TFEC: variants seen among roughly 807,000 people sequenced by gnomAD.
TFEC encodes class E basic helix-loop-helix protein 34.
TFEC carries 31 observed loss-of-function variants against 41.6 expected under a neutral mutation model. The ratio of observed to expected loss-of-function variants is 0.74; its 90% confidence interval spans 0.56 to 1.01. The LOEUF is 1.01. Among genes scored for constraint, TFEC ranks in the 50% least tolerant of loss-of-function variants. The pLI is 0.00. For missense variants in TFEC, 402 were observed against 404.1 expected (o/e 0.99, Z 0.04); for synonymous variants, 143 against 140.6 (o/e 1.02, Z -0.12).
intron 1 of TFEC, among the ~76,000 whole-genome samples, chr7:116,155,570 G>A (rs950637): frequency 0.49 from 74,168 of 151,006 alleles, 18,721 homozygotes; most frequent in East Asian, 0.7. Flanking sequence ...GCAGTGCCAG[G>A]AAAAAAAAAG....
intron 3 of TFEC, among the ~76,000 whole-genome samples, chr7:116,104,013 C>T (rs1350054130): frequency 3.9e-5 from 6 of 152,040 alleles, no homozygotes; most frequent in African/African-American, 7.2e-5. Context: ...GACCAATTTT[C>T]TATGTTTCAA....
rs546286267 is a variant in TFEC at position 116,029,662 on chromosome 7, T to G, written c.-73+971A>C. On this transcript the variant is annotated intron_variant, in intron 1 of 7. Coordinates refer to ENST00000265440, the MANE Select transcript of TFEC (RefSeq NM_012252.4). ...TTATATAAATATATATGAAATTATATCTATTGTAATTTATATAAGCAAATG... is the reference window on the plus strand; with the variant it reads ...TTATATAAATATATATGAAATTATAGCTATTGTAATTTATATAAGCAAATG... Among the ~76,000 whole-genome samples, 58 of 152,054 alleles carry G rather than the reference T, an allele frequency of 3.8e-4. 1 individual carries two copies. The highest frequency in any genetic ancestry group is 1.3e-3 in the African/African-American group (55 of 41,526).
chr7:116,098,252 C>T (rs541704857), intron 3 of TFEC, among the ~76,000 whole-genome samples: 2 of 152,114 alleles, frequency 1.3e-5, no homozygotes, highest in South Asian at 2.1e-4. Context: ...CTCCCTCTCC[C>T]GGGTGCAAGC....
chr7:116,156,329 T>C (rs1272429835), intron 1 of TFEC, among the ~76,000 whole-genome samples: 1 of 152,170 alleles, frequency 6.6e-6, no homozygotes, highest in Non-Finnish European at 1.5e-5. Flanking sequence ...TTCTGAAACA[T>C]TTGTCTCTAA....
chr7:116,086,350 A>T (rs1206530079), intron 3 of TFEC, among the ~76,000 whole-genome samples: 1 of 151,866 alleles, frequency 6.6e-6, no homozygotes, highest in Non-Finnish European at 1.5e-5. Context: ...TACCATATTT[A>T]GGACCAAAGA....
At chr7:116,029,432 A>T (rs1044586952) in intron 1 of TFEC, among the ~76,000 whole-genome samples, 1 of 152,174 alleles carries the variant, frequency 6.6e-6, no homozygotes, top group Non-Finnish European at 1.5e-5. Context: ...CTGATAATAA[A>T]CTGCGTACCA....
Position 116,099,803 on chromosome 7 carries a change from G to A in TFEC, c.198+10905C>T, listed in dbSNP as rs191014212. Among the ~76,000 whole-genome samples the A allele has an allele frequency of 1.4e-3, 210 of 152,278 alleles. 1 individual carries two copies. The highest frequency in any genetic ancestry group is 4.2e-3 in the African/African-American group (174 of 41,548). ...ATAGTAGTTGGTATTGCAACAATGC[G>A]TAACTAATACAGCATATTATTACTA... On this transcript the variant is annotated intron_variant, in intron 3 of 8. Transcript: ENST00000484212.
chr7:116,129,152 T>C (rs1240582670), intron 1 of TFEC, among the ~76,000 whole-genome samples: 1 of 152,170 alleles, frequency 6.6e-6, no homozygotes, highest in Non-Finnish European at 1.5e-5. Flanking sequence ...GAAATCCCAT[T>C]TGGCAATATT....
chr7:116,115,150 C>T lies in TFEC; in HGVS notation c.-68-3112G>A, dbSNP rs1378157562. ...TATTTTTCTATATATTGACTAGGAACACGGAGCCTATAATACTCATCACAG... is the reference window on the plus strand; with the variant it reads ...TATTTTTCTATATATTGACTAGGAATACGGAGCCTATAATACTCATCACAG... On this transcript the variant is annotated intron_variant, in intron 1 of 8. Coordinates refer to the TFEC transcript ENST00000484212. Among the ~76,000 whole-genome samples, 5 of 152,118 alleles carry T rather than the reference C, an allele frequency of 3.3e-5. No individual in the cohort carries two copies. The South Asian group carries it at 1.0e-3, about 32-fold the overall frequency.
chr7:116,092,705 G>T (rs1797357328), intron 3 of TFEC, among the ~76,000 whole-genome samples: 2 of 152,062 alleles, frequency 1.3e-5, no homozygotes, highest in Admixed American at 1.3e-4. Flanking sequence ...ATTTGTTTGG[G>T]CATTCTCCAC....
intron 3 of TFEC, among the ~76,000 whole-genome samples, chr7:116,099,989 A>T (rs960590477): frequency 6.6e-6 from 1 of 152,192 alleles, no homozygotes; most frequent in African/African-American, 2.4e-5. Context: ...TTTGGAAGAG[A>T]TTAACAGCAT....
At chr7:116,001,491 T>A (rs1584674549) in intron 1 of TFEC, among the ~76,000 whole-genome samples, 1 of 146,050 alleles carries the variant, frequency 6.8e-6, no homozygotes. Flanking sequence ...CGAGACTCAG[T>A]CTCAGGAAAA....
chr7:116,129,976 C>T (rs1168755926), intron 1 of TFEC, among the ~76,000 whole-genome samples: 1 of 150,650 alleles, frequency 6.6e-6, no homozygotes, highest in Non-Finnish European at 1.5e-5. Context: ...TGCTATGATG[C>T]TTATTATTCA....
At chr7:116,015,568 A>G (rs900570482) in intron 1 of TFEC, among the ~76,000 whole-genome samples, 3 of 152,140 alleles carry the variant, frequency 2.0e-5, no homozygotes, top group Admixed American at 6.6e-5. Flanking sequence ...TCAGGCAATA[A>G]TATAAAGGGG....
intron 1 of TFEC, 63 bp from the exon 2 acceptor site, chr7:115,984,576 T>G (rs1334847937): frequency 2.6e-6 from 4 of 1,551,092 alleles, no homozygotes; most frequent in Admixed American, 1.9e-5. Context: ...GAGTTCTCCT[T>G]TCCACAATTG....
At chr7:115,991,354 G>A (rs1794103131) in intron 1 of TFEC, among the ~76,000 whole-genome samples, 1 of 152,146 alleles carries the variant, frequency 6.6e-6, no homozygotes, top group Admixed American at 6.5e-5. Context: ...CATAATGACA[G>A]GATCAAATTC....
chr7:116,072,471 C>T (rs527240235), intron 3 of TFEC, among the ~76,000 whole-genome samples: 1 of 151,726 alleles, frequency 6.6e-6, no homozygotes, highest in South Asian at 2.1e-4. Context: ...CATGTTATCA[C>T]AGACATGGAG....
At chr7:116,092,123 G>C (rs887593804) in intron 3 of TFEC, among the ~76,000 whole-genome samples, 2 of 151,930 alleles carry the variant, frequency 1.3e-5, no homozygotes, top group Non-Finnish European at 2.9e-5. Flanking sequence ...TCCAAATATA[G>C]GGACCTTTTT....
intron 1 of TFEC, among the ~76,000 whole-genome samples, chr7:116,026,281 G>A (rs985530853): frequency 3.3e-5 from 5 of 152,162 alleles, no homozygotes; most frequent in African/African-American, 9.7e-5. Context: ...CAATGCCTTC[G>A]CCTGCCTAAA....
Sources: gnomAD v4.1 joint callset for allele counts (sites outside exome capture counted in the v4.1 genomes callset) on GRCh38, gnomAD v4.1.1 for gene constraint, MANE v1.5 for transcripts, NCBI Gene and HGNC (gene_info 2026-07-23, HGNC 2026-07-21) for gene names.